Variants in CFAP47 observed in about 807,000 individuals in gnomAD.
CFAP47 encodes cilia and flagella associated protein 47, also known as cilia- and flagella-associated protein 47.
In CFAP47, 29 loss-of-function variants were observed where a neutral mutation model predicts 148.1. The ratio of observed to expected loss-of-function variants is 0.20; its 90% CI spans 0.15 to 0.27. The LOEUF (loss-of-function observed/expected upper bound fraction) is 0.27, where lower values mean the gene tolerates loss of function less well. Among genes scored for constraint, CFAP47 ranks in the 10% least tolerant of loss-of-function variants. The pLI is 1.00. For missense variants in CFAP47, 1,872 were observed against 1,697.5 expected, an observed-to-expected ratio of 1.10 and a Z score of -1.81; for synonymous variants, 664 against 577.3, an observed-to-expected ratio of 1.15 and a Z score of -2.15.
chrX:36,338,327 C>A (rs1439375464), intron 57 of CFAP47, among the ~76,000 whole-genome samples: 2 of 111,021 alleles, frequency 1.8e-5, no homozygotes, highest in African/African-American at 6.5e-5. Flanking sequence ...GACAGCAAAA[C>A]TATTTGAAAG....
rs776589046 is a variant in CFAP47 at position 35,989,577 on chromosome X, G to GT, written c.2844+135dup. On this transcript the variant is annotated intron_variant, in intron 16 of 63. Transcript: ENST00000378653. ...CCAAGACTTTCATGCAACAGTACTA[G>GT]TTTTTTTGTTAGAGCCTCTATAAAT... The GT allele has an allele frequency of 2.1e-5, 25 of 1,163,529 alleles. No homozygotes were observed. In the East Asian group the frequency reaches 3.9e-4, roughly 18 times the overall value.
chrX:36,267,115 A>G (rs1940902474), intron 49 of CFAP47, among the ~76,000 whole-genome samples: 1 of 112,097 alleles, frequency 8.9e-6, no homozygotes, highest in Non-Finnish European at 1.9e-5. Flanking sequence ...GGAACAGTTG[A>G]GATATTATCT....
intron 41 of CFAP47, among the ~76,000 whole-genome samples, chrX:36,189,741 C>T (rs1939845852): frequency 8.9e-6 from 1 of 112,111 alleles, no homozygotes; most frequent in African/African-American, 3.2e-5. Context: ...TGAAACATTG[C>T]ATAGTCCACA....
intron 62 of CFAP47, chrX:36,367,806 T>C (rs1941893425): frequency 1.8e-5 from 2 of 111,856 alleles, no homozygotes; most frequent in South Asian, 7.3e-4. Flanking sequence ...TTTGTCTCTA[T>C]AGTTTTGCCC....
chrX:36,233,467 G>A lies in CFAP47; in HGVS notation c.7015-2467G>A, dbSNP rs1371146474. 9.3e-4 allele frequency among the ~76,000 whole-genome samples: 103 copies of A among 110,963 alleles called. 1 individual carries two copies. Among genetic ancestry groups the A allele is most frequent in the Non-Finnish European group, 1.8e-3 (95 of 52,908 alleles). ...CCTTTTTTTGTTTTCCATTGGCTTG[G>A]TAGATCTTCCTCCATCCTTTTATTT... On this transcript the variant is annotated intron_variant, in intron 46 of 63. Transcript: ENST00000378653.
At position 35,956,192 on chromosome X, in the gene CFAP47, T is replaced by C. The variant is rs1280266325; in HGVS notation, c.1406T>C (p.Met469Thr). 1 of 1,196,320 alleles carries C rather than the reference T, an allele frequency of 8.4e-7. No individual in the cohort carries two copies. Among genetic ancestry groups the C allele is most frequent in the South Asian group, 1.8e-5 (1 of 56,441 alleles). Residue 469 changes from methionine to threonine, a missense_variant, in exon 8 of 64, where the codon ATG becomes ACG. Physicochemically the swap from Met to Thr is moderately conservative, Grantham distance 81. Coordinates refer to ENST00000378653, the MANE Select transcript of CFAP47 (RefSeq NM_001304548.2). ...PEKGKITGGG[M>T]VDVMCSFVPH... ...AAGGGCAAGATTACTGGAGGGGGTA[T>C]GGTGGTAAGATAATTTTTCTTTGCG...
chrX:36,108,488 A>G (rs1206822259), intron 33 of CFAP47, among the ~76,000 whole-genome samples: 1 of 111,875 alleles, frequency 8.9e-6, no homozygotes, highest in Non-Finnish European at 1.9e-5. Context: ...TCTATCCACA[A>G]GTTATCTTCT....
intron 57 of CFAP47, among the ~76,000 whole-genome samples, chrX:36,347,664 G>C (rs1941709340): frequency 9.0e-6 from 1 of 111,391 alleles, no homozygotes; most frequent in Non-Finnish European, 1.9e-5. Flanking sequence ...ATCATTCTCA[G>C]CAAACTATCA....
intron 61 of CFAP47, among the ~76,000 whole-genome samples, chrX:36,364,943 T>C (rs6632591): frequency 0.2 from 14,424 of 73,264 alleles, 1,091 homozygotes; most frequent in East Asian, 0.38. Flanking sequence ...TATATATATA[T>C]ACACACACAC....
At position 36,238,487 on chromosome X, in the gene CFAP47, G is replaced by A. The variant is rs782436349; in HGVS notation, c.7332+1628G>A. 5.4e-5 allele frequency among the ~76,000 whole-genome samples: 6 copies of A among 111,584 alleles called. 1 individual carries two copies. The South Asian group carries it at 1.1e-3, about 21-fold the overall frequency. ...TCCTCATATCACCTATGTAATTTGC[G>A]AATATTTTGTCCATTCCTTAGGTTG... is the stretch of plus-strand genomic sequence containing the variant. On this transcript the variant is annotated intron_variant, in intron 48 of 63. Transcript: ENST00000378653.
intron 51 of CFAP47, among the ~76,000 whole-genome samples, chrX:36,291,629 A>G (rs1319980019): frequency 2.6e-5 from 2 of 76,593 alleles, no homozygotes; most frequent in African/African-American, 1.1e-4. Flanking sequence ...CCTGACATGC[A>G]AAAAAAAAAA....
At chrX:36,273,871 GA>G (rs1940986034) in intron 49 of CFAP47, among the ~76,000 whole-genome samples, 1 of 110,785 alleles carries the variant, frequency 9.0e-6, no homozygotes, top group East Asian at 2.8e-4. Flanking sequence ...AAAAGGAAAA[GA>G]AAAAAATGTT....
intron 35 of CFAP47, chrX:36,144,728 G>A (rs1424652751): frequency 2.0e-6 from 2 of 1,024,176 alleles, no homozygotes; most frequent in Non-Finnish European, 2.6e-6. Flanking sequence ...TTGTTTGTTT[G>A]TTCTTTTTTA....
At position 36,359,922 on chromosome X, in the gene CFAP47, T is replaced by C. The variant is rs371814025; in HGVS notation, c.8852-1408T>C. Among the ~76,000 whole-genome samples the C allele has an allele frequency of 4.5e-5, 5 of 110,825 alleles. No individual in the cohort carries two copies. The East Asian group carries it at 8.6e-4, about 19-fold the overall frequency. The stretch of plus-strand genomic sequence containing the variant: ...CCCGCCACCATGCCCAGCTAATTTT[T>C]TTTTGTATTTTGAGTAGAGACGGGG... On this transcript the variant is annotated intron_variant, in intron 60 of 63. Transcript: ENST00000378653.
intron 54 of CFAP47, among the ~76,000 whole-genome samples, chrX:36,304,506 C>G (rs1333571720): frequency 9.0e-6 from 1 of 111,395 alleles, no homozygotes; most frequent in Non-Finnish European, 1.9e-5. Context: ...TAGAATCATG[C>G]TCATGATTAC....
intron 63 of CFAP47, among the ~76,000 whole-genome samples, chrX:36,381,401 A>G (rs782288540): frequency 8.9e-6 from 1 of 112,237 alleles, no homozygotes; most frequent in Non-Finnish European, 1.9e-5. Context: ...ATCTTTTTTA[A>G]ATGAATGATT....
chrX:35,923,079 C>G (rs1270474234), intron 1 of CFAP47, among the ~76,000 whole-genome samples: 1 of 111,240 alleles, frequency 9.0e-6, no homozygotes, highest in African/African-American at 3.3e-5. Flanking sequence ...TAACTAGTCC[C>G]TGGCTTATAT....
At chrX:36,063,455 A>G (rs1404344416) in intron 26 of CFAP47, among the ~76,000 whole-genome samples, 1 of 111,428 alleles carries the variant, frequency 9.0e-6, no homozygotes. Flanking sequence ...TGCTCTATGA[A>G]AAGAATGTGG....
At chrX:36,123,443 C>A (rs748893066) in intron 33 of CFAP47, among the ~76,000 whole-genome samples, 464 of 111,902 alleles carry the variant, frequency 4.1e-3, no homozygotes, top group Non-Finnish European at 7.4e-3. Flanking sequence ...AAGTCAAAAA[C>A]CTTTATAGTC....
Sources: allele counts gnomAD v4.1 joint callset (sites outside exome capture counted in the v4.1 genomes callset), GRCh38; gene constraint gnomAD v4.1.1; transcripts MANE v1.5; gene names NCBI Gene and HGNC (gene_info 2026-07-23, HGNC 2026-07-21).